IGFL4: variants seen among roughly 807,000 people sequenced by gnomAD.
IGFL4 encodes insulin growth factor-like family member 4.
Under a neutral mutation model 15.4 loss-of-function variants are expected in IGFL4, and 12 were observed. That is an observed-to-expected ratio of 0.78 (90% CI 0.50 to 1.26). The LOEUF is 1.26. IGFL4 is among the 50% of genes most tolerant of loss of function. The pLI is 0.00. For synonymous variants in IGFL4, 54 were observed against 55.9 expected (o/e 0.97, Z 0.16); for missense variants, 126 against 147.8 (o/e 0.85, Z 0.76).
At chr19:46,071,207 C>T (rs543630822) in intron 1 of IGFL4, among the ~76,000 whole-genome samples, 47 of 152,104 alleles carry the variant, frequency 3.1e-4, no homozygotes, top group East Asian at 1.9e-3. Context: ...CTTTCCCTCA[C>T]GCCAGCGGCA....
At chr19:46,068,769 T>G (rs1969518593) in intron 1 of IGFL4, among the ~76,000 whole-genome samples, 1 of 152,190 alleles carries the variant, frequency 6.6e-6, no homozygotes, top group Non-Finnish European at 1.5e-5. Flanking sequence ...GGCAATTATG[T>G]GGTTTCATAG....
intron 1 of IGFL4, among the ~76,000 whole-genome samples, chr19:46,069,955 C>T (rs1187685029): frequency 6.6e-6 from 1 of 152,116 alleles, no homozygotes; most frequent in African/African-American, 2.4e-5. Flanking sequence ...GAATGGCAGC[C>T]AGTAAAATGC....
upstream of IGFL4, among the ~76,000 whole-genome samples, chr19:46,043,068 C>T (rs183453028): frequency 5.9e-4 from 90 of 152,252 alleles, 2 homozygotes; most frequent in African/African-American, 1.9e-3. Flanking sequence ...CCCAAAGCTC[C>T]GGGAACTAAT....
chr19:46,072,425 A>T (rs1055755974), intron 1 of IGFL4, among the ~76,000 whole-genome samples: 1 of 152,236 alleles, frequency 6.6e-6, no homozygotes, highest in African/African-American at 2.4e-5. Context: ...CTGCACATGC[A>T]CATTCTAGAC....
intron 2 of IGFL4, among the ~76,000 whole-genome samples, chr19:46,047,003 G>A (rs1239300289): frequency 6.6e-6 from 1 of 152,134 alleles, no homozygotes; most frequent in Non-Finnish European, 1.5e-5. Flanking sequence ...AAAATCAGAA[G>A]TAAAACACTC....
Position 46,040,053 on chromosome 19 carries a change from G to A in IGFL4, c.330+104C>T. The A allele has an allele frequency of 6.6e-7, 1 of 1,521,420 alleles. No individual in the cohort carries two copies. Among genetic ancestry groups the A allele is most frequent in the South Asian group, 1.1e-5 (1 of 88,948 alleles). The allele number at this position is 1,521,420 out of a possible 1,614,324, so 94.2% of individuals were successfully genotyped here. A position where few individuals can be genotyped will look rare whatever the true frequency, so the allele number is the denominator to read the frequency against. ...TTGCATGGTTACTGAGAGATGGGAA[G>A]GTATGGAACCCAGCAGAGACTGCAC... On this transcript the variant is annotated intron_variant, in intron 3 of 3. Transcript: ENST00000377697. The surrounding 1 kb of genome is among the most constrained non-coding windows in gnomAD (Gnocchi z 4.1).
chr19:46,048,760 A>T (rs1410466737), intron 2 of IGFL4, among the ~76,000 whole-genome samples: 7 of 152,224 alleles, frequency 4.6e-5, no homozygotes, highest in Non-Finnish European at 4.4e-5. Context: ...GCTCAAAAAA[A>T]ATCAGATAGG....
At chr19:46,039,983 A>AATCCTGAGCTCAAGCAATCCACCT in intron 3 of IGFL4, 47 bp from the exon 4 acceptor site, 2 of 1,557,532 alleles carry the variant, frequency 1.3e-6, no homozygotes, top group Non-Finnish European at 1.8e-6. Context: ...GGAGGGTGGT[A>AATCCTGAGCTCAAGCAATCCACCT]GCAGCAGTGG....
At chr19:46,045,320 A>C (rs1030998946), upstream of IGFL4, among the ~76,000 whole-genome samples, 2 of 152,026 alleles carry the variant, frequency 1.3e-5, no homozygotes, top group African/African-American at 4.8e-5. Flanking sequence ...GCACATGCCT[A>C]TAATCCCAGA....
rs889734332 is a variant in IGFL4 at position 46,062,250 on chromosome 19, C to T, written c.-431-1957G>A. On this transcript the variant is annotated intron_variant, in intron 1 of 5. Coordinates refer to the IGFL4 transcript ENST00000601672. ...CCAAAGGAAAACCTTCCAAATGCTC[C>T]GAGAAAGGAAAATTCAAGATGGTTG... is the stretch of plus-strand genomic sequence containing the variant. Among the ~76,000 whole-genome samples, 13 of 152,268 alleles carry T rather than the reference C, an allele frequency of 8.5e-5. 2 individuals are homozygous for T. Among genetic ancestry groups the T allele is most frequent in the Middle Eastern group, 3.4e-3 (1 of 294 alleles).
chr19:46,073,517 G>A (rs749919989), intron 1 of IGFL4, among the ~76,000 whole-genome samples: 1 of 152,182 alleles, frequency 6.6e-6, no homozygotes, highest in Non-Finnish European at 1.5e-5. Flanking sequence ...GCTGCACCAG[G>A]TCTAGGCCCT....
upstream of IGFL4, among the ~76,000 whole-genome samples, chr19:46,041,865 G>A (rs978672374): frequency 3.2e-5 from 4 of 125,332 alleles, no homozygotes; most frequent in South Asian, 2.5e-4. Flanking sequence ...TTGAGACACC[G>A]TATCTCTCTG....
At chr19:46,042,330 A>T (rs1969254636), upstream of IGFL4, among the ~76,000 whole-genome samples, 1 of 152,200 alleles carries the variant, frequency 6.6e-6, no homozygotes, top group South Asian at 2.1e-4. Context: ...TCTCTCACCT[A>T]CACAGAACAG....
intron 1 of IGFL4, among the ~76,000 whole-genome samples, chr19:46,074,734 A>G (rs553703092): frequency 6.6e-6 from 1 of 152,192 alleles, no homozygotes; most frequent in African/African-American, 2.4e-5. Context: ...CCAGATTAAC[A>G]TCGGGTCTGC....
intron 1 of IGFL4, among the ~76,000 whole-genome samples, chr19:46,074,444 A>C (rs1368462636): frequency 6.6e-6 from 1 of 151,954 alleles, no homozygotes; most frequent in Non-Finnish European, 1.5e-5. Context: ...GTATGTATAT[A>C]TACACATATG....
At chr19:46,065,927 A>C (rs1293508578) in intron 1 of IGFL4, among the ~76,000 whole-genome samples, 1 of 152,212 alleles carries the variant, frequency 6.6e-6, no homozygotes, top group Non-Finnish European at 1.5e-5. Context: ...TCCTGGGAGC[A>C]GGCAGAGGGT....
chr19:46,068,732 A>G (rs1184180264), intron 1 of IGFL4, among the ~76,000 whole-genome samples: 1 of 152,224 alleles, frequency 6.6e-6, no homozygotes, highest in Non-Finnish European at 1.5e-5. Context: ...GATCAAAACA[A>G]TTAAATGCAT....
At chr19:46,065,380 C>T (rs11083798) in intron 1 of IGFL4, among the ~76,000 whole-genome samples, 79,831 of 152,032 alleles carry the variant, frequency 0.53, 21,325 homozygotes, top group Non-Finnish European at 0.55. Flanking sequence ...TGGAGTGCAG[C>T]GGCGTGATCT....
Position 46,077,086 on chromosome 19 carries a change from C to T in IGFL4, c.-498G>A, listed in dbSNP as rs762229205. 1 of 152,216 alleles carries T rather than the reference C, an allele frequency of 6.6e-6. No individual in the cohort carries two copies. The highest frequency in any genetic ancestry group is 1.5e-5 in the Non-Finnish European group (1 of 68,066). The allele number at this position is 152,216 out of a possible 1,614,324, so 9.4% of individuals were successfully genotyped here. A position where few individuals can be genotyped will look rare whatever the true frequency, so the allele number is the denominator to read the frequency against. On this transcript the variant is annotated 5_prime_UTR_variant, in exon 1 of 6. Coordinates refer to the IGFL4 transcript ENST00000601672. This position sits in a 1 kb window ranked among gnomAD's most constrained non-coding sequence, Gnocchi z 5.4. ...CTGGGTAGTTACAGGCATCATCCACCACGAAGTTTCCAACCCAGAGTCAGG... is the reference window on the plus strand; with the variant it reads ...CTGGGTAGTTACAGGCATCATCCACTACGAAGTTTCCAACCCAGAGTCAGG...
Sources: allele counts gnomAD v4.1 joint callset (sites outside exome capture counted in the v4.1 genomes callset), GRCh38; gene constraint gnomAD v4.1.1; non-coding constraint Gnocchi (gnomAD v3.1); transcripts MANE v1.5; gene names NCBI Gene and HGNC (gene_info 2026-07-23, HGNC 2026-07-21).